The following KIF3B variants were observed in gnomAD, a reference collection of about 807,000 sequenced individuals.
The protein encoded by KIF3B is kinesin-like protein KIF3B.
A neutral mutation model predicts 74.3 loss-of-function variants in KIF3B; 38 were observed. The ratio of observed to expected loss-of-function variants is 0.51; its 90% CI spans 0.39 to 0.67. The LOEUF (loss-of-function observed/expected upper bound fraction) is 0.67. Among genes scored for constraint, KIF3B ranks in the 30% least tolerant of loss-of-function variants. KIF3B has a pLI of 0.00. For synonymous variants in KIF3B, 326 were observed against 342.5 expected, an observed-to-expected ratio of 0.95 and a Z score of 0.53; for missense variants, 649 against 932.0, an observed-to-expected ratio of 0.70 and a Z score of 3.95.
chr20:32,309,172 G>A (rs1265345890), intron 1 of KIF3B, among the ~76,000 whole-genome samples: 2 of 151,528 alleles, frequency 1.3e-5, no homozygotes, highest in Non-Finnish European at 2.9e-5. Context: ...ATGAGCCACC[G>A]TGTGCAGCTA....
intron 5 of KIF3B, among the ~76,000 whole-genome samples, chr20:32,322,055 G>GGAT (rs1318181185): frequency 6.6e-6 from 1 of 151,908 alleles, no homozygotes; most frequent in Non-Finnish European, 1.5e-5. Flanking sequence ...AAGCCAGCTG[G>GGAT]GATTTTGATA....
intron 1 of KIF3B, among the ~76,000 whole-genome samples, chr20:32,281,364 A>G (rs1299114246): frequency 1.3e-5 from 2 of 152,232 alleles, no homozygotes; most frequent in African/African-American, 4.8e-5. Context: ...GATTGTATTT[A>G]TTCAGTATTT....
chr20:32,323,137 C>CATATATTT (rs2047883449), intron 5 of KIF3B, among the ~76,000 whole-genome samples: 1 of 23,862 alleles, frequency 4.2e-5, no homozygotes, highest in African/African-American at 1.9e-4. Flanking sequence ...TATATATTTA[C>CATATATTT]ATATATTTAT....
rs556479464 is a variant in KIF3B at position 32,315,146 on chromosome 20, CA to C, written c.1405-1071del. ...TCCCTCCATCCTGCCAGTCCTTTGC[CA>C]TGCTTCCCATTGCAGGGGAGTAATG... On this transcript the variant is annotated intron_variant, in intron 2 of 8. Transcript: ENST00000375712. Among the ~76,000 whole-genome samples, 293 of 152,274 alleles carry C rather than the reference CA, an allele frequency of 1.9e-3. 3 individuals are homozygous for C. Among genetic ancestry groups the C allele is most frequent in the African/African-American group, 6.7e-3 (277 of 41,548 alleles).
intron 2 of KIF3B, among the ~76,000 whole-genome samples, chr20:32,312,180 C>G (rs555548295): frequency 6.7e-6 from 1 of 150,140 alleles, no homozygotes; most frequent in African/African-American, 2.4e-5. Flanking sequence ...GGCCCAATCA[C>G]TGCAGCCTTG....
intron 7 of KIF3B, among the ~76,000 whole-genome samples, chr20:32,328,062 C>T (rs573063585): frequency 6.6e-6 from 1 of 152,062 alleles, no homozygotes; most frequent in Admixed American, 6.5e-5. Context: ...GATCATGCCA[C>T]AGCACTCTAG....
intron 2 of KIF3B, among the ~76,000 whole-genome samples, chr20:32,313,225 C>A (rs556319133): frequency 6.6e-6 from 1 of 152,186 alleles, no homozygotes; most frequent in African/African-American, 2.4e-5. Flanking sequence ...TGAGCTTCCA[C>A]TGGGCTTTAA....
At chr20:32,297,830 G>A (rs1005923874) in intron 1 of KIF3B, among the ~76,000 whole-genome samples, 3 of 151,946 alleles carry the variant, frequency 2.0e-5, no homozygotes, top group Admixed American at 6.6e-5. Context: ...TTGTTAGGCC[G>A]GGTGCTGTGG....
At chr20:32,285,099 C>CAAAA (rs11480924) in intron 1 of KIF3B, among the ~76,000 whole-genome samples, 3 of 102,488 alleles carry the variant, frequency 2.9e-5, no homozygotes, top group Non-Finnish European at 4.1e-5. Context: ...AAATGATGAC[C>CAAAA]AAAAAAAAAA....
chr20:32,327,456 G>A, intron 6 of KIF3B, 100 bp from the exon 7 acceptor site: 1 of 858,952 alleles, frequency 1.2e-6, no homozygotes, highest in Non-Finnish European at 1.9e-6. Flanking sequence ...ACGTCAGCCT[G>A]CAGTCCAGGG....
In KIF3B at chr20:32,309,795, C is replaced by T; in HGVS notation, c.18C>T (p.Ser6=). The T allele has an allele frequency of 1.2e-6, 2 of 1,612,924 alleles. No individual in the cohort carries two copies. The highest frequency in any genetic ancestry group is 1.7e-6 in the Non-Finnish European group (2 of 1,179,352). MSKLK[S]SESVRVVVRC... ...AGTTCATCATGTCAAAGTTGAAAAG[C>T]TCAGAGTCAGTCAGGGTGGTGGTTC... The change falls in exon 2 of 9, where the codon AGC becomes AGT. Residue 6 remains serine (S), a synonymous_variant. Transcript: ENST00000375712.
chr20:32,327,943 A>G (rs2047912258), intron 7 of KIF3B, among the ~76,000 whole-genome samples: 1 of 151,974 alleles, frequency 6.6e-6, no homozygotes, highest in Non-Finnish European at 1.5e-5. Flanking sequence ...TCTACTAAAA[A>G]TACAAAAATT....
Position 32,316,577 on chromosome 20 carries a change from G to A in KIF3B, c.1557G>A (p.Glu519=). 6.2e-7 allele frequency: 1 copy of A among 1,614,092 alleles called. No homozygotes were observed. The highest frequency in any genetic ancestry group is 8.5e-7 in the Non-Finnish European group (1 of 1,180,012). Residue 519 remains glutamate, a synonymous_variant, in exon 4 of 9, where the codon GAG becomes GAA. Coordinates refer to ENST00000375712, the MANE Select transcript of KIF3B (RefSeq NM_004798.4). ...AACAGATGGAAAGTCGAGATGAGGA[G>A]ACCTTGGAACTTAAAGAGACATACA... is the stretch of plus-strand genomic sequence containing the variant. ...IQQQMESRDE[E]TLELKETYSS...
intron 1 of KIF3B, among the ~76,000 whole-genome samples, chr20:32,308,662 C>T (rs2047784414): frequency 6.6e-6 from 1 of 152,064 alleles, no homozygotes; most frequent in South Asian, 2.1e-4. Flanking sequence ...CCATCCACCT[C>T]GTTCTCCCAA....
chr20:32,314,736 T>A (rs141961538), intron 2 of KIF3B, among the ~76,000 whole-genome samples: 91 of 152,108 alleles, frequency 6.0e-4, no homozygotes, highest in African/African-American at 2.0e-3. Flanking sequence ...ACTTTTTAGG[T>A]CAAAATCATT....
chr20:32,299,379 G>GTGTGTATATATATATATATATATA (rs1187264463), intron 1 of KIF3B, among the ~76,000 whole-genome samples: 3 of 23,090 alleles, frequency 1.3e-4, no homozygotes, highest in Admixed American at 1.4e-3. Context: ...TGGTGTGTGT[G>GTGTGTATATATATATATATATATA]TATATATATA....
chr20:32,296,522 T>G (rs1307857811), intron 1 of KIF3B, among the ~76,000 whole-genome samples: 1 of 151,488 alleles, frequency 6.6e-6, no homozygotes, highest in Admixed American at 6.6e-5. Flanking sequence ...ATCGCTTGAA[T>G]GGGAGGCAGA....
At chr20:32,319,582 G>GTTTTTTTTTTTT (rs34028388) in intron 5 of KIF3B, among the ~76,000 whole-genome samples, 84 of 92,014 alleles carry the variant, frequency 9.1e-4, no homozygotes, top group East Asian at 1.6e-3. Context: ...TTTTGTTTTT[G>GTTTTTTTTTTTT]TTTTTTTTTT....
intron 8 of KIF3B, 150 bp downstream of exon 8, chr20:32,330,469 A>G (rs2047925023): frequency 4.2e-6 from 3 of 711,540 alleles, no homozygotes; most frequent in Non-Finnish European, 6.9e-6. Flanking sequence ...TATTCTACAA[A>G]TATTTATGGT....
Sources: gnomAD v4.1 joint callset for allele counts (sites outside exome capture counted in the v4.1 genomes callset) on GRCh38, gnomAD v4.1.1 for gene constraint, MANE v1.5 for transcripts, NCBI Gene and HGNC (gene_info 2026-07-23, HGNC 2026-07-21) for gene names.